FHIP1A: variants seen among roughly 807,000 people sequenced by gnomAD.
FHIP1A encodes FHF complex subunit HOOK-interacting protein 1A.
FHIP1A carries 61 observed loss-of-function variants against 88.6 expected under a neutral mutation model. The observed-to-expected ratio is 0.69, with a 90% CI of 0.56 to 0.85. FHIP1A has a LOEUF of 0.85. Among genes scored for constraint, FHIP1A ranks in the 40% least tolerant of loss-of-function variants. The pLI, the probability that FHIP1A is intolerant of heterozygous loss-of-function variation, is 0.00. For missense variants in FHIP1A, 1,154 were observed against 1,273.5 expected, an observed-to-expected ratio of 0.91 and a Z score of 1.43; for synonymous variants, 478 against 496.0, an observed-to-expected ratio of 0.96 and a Z score of 0.48.
chr4:151,636,051 A>C (rs148802278), intron 8 of FHIP1A, among the ~76,000 whole-genome samples: 335 of 152,100 alleles, frequency 2.2e-3, no homozygotes, highest in African/African-American at 7.5e-3. Flanking sequence ...ATCTACTATG[A>C]ATATGGGCTC....
chr4:151,665,359 G>C lies in FHIP1A; in HGVS notation c.*2605G>C, dbSNP rs1183453502. On this transcript the variant is annotated 3_prime_UTR_variant, in exon 14 of 14. Coordinates refer to ENST00000435205, the MANE Select transcript of FHIP1A (RefSeq NM_001109977.3). ...GGAGAATGTAACTTCCCATGCTGGG[G>C]TGCTGGCAGCAAACTCACACGATAA... 6.6e-6 allele frequency among the ~76,000 whole-genome samples: 1 copy of C among 152,216 alleles called. No homozygotes were observed. The highest frequency in any genetic ancestry group is 1.5e-5 in the Non-Finnish European group (1 of 68,040).
chr4:151,475,350 A>G (rs750713399), intron 2 of FHIP1A, among the ~76,000 whole-genome samples: 1 of 152,214 alleles, frequency 6.6e-6, no homozygotes, highest in Non-Finnish European at 1.5e-5. Flanking sequence ...TATATATGAG[A>G]TGATGACAAT....
At position 151,621,676 on chromosome 4, in the gene FHIP1A, G is replaced by T. The variant is rs566540930; in HGVS notation, c.979-8026G>T. Among the ~76,000 whole-genome samples the T allele has an allele frequency of 3.9e-5, 6 of 152,136 alleles. No homozygotes were observed. The South Asian group carries it at 1.2e-3, about 32-fold the overall frequency. On this transcript the variant is annotated intron_variant, in intron 7 of 13. Transcript: ENST00000435205. ...CATTCTAGAGAAGCTGCTGGTTGGG[G>T]TTCTGGCCCATGGACCATTTCCCCT...
intron 3 of FHIP1A, among the ~76,000 whole-genome samples, chr4:151,562,010 G>A (rs780098664): frequency 6.6e-6 from 1 of 152,162 alleles, no homozygotes; most frequent in African/African-American, 2.4e-5. Context: ...TACTTTAGTT[G>A]TAACTGCTTA....
chr4:151,611,307 G>A (rs760100139), intron 7 of FHIP1A, among the ~76,000 whole-genome samples: 2 of 152,116 alleles, frequency 1.3e-5, no homozygotes, highest in African/African-American at 4.8e-5. Flanking sequence ...CTTAAATGTC[G>A]TGGAAGTCCA....
intron 3 of FHIP1A, among the ~76,000 whole-genome samples, chr4:151,557,657 T>C (rs1733003455): frequency 6.6e-6 from 1 of 152,220 alleles, no homozygotes; most frequent in Non-Finnish European, 1.5e-5. Context: ...GCTTCTCTGC[T>C]TGGAGGGGTG....
At chr4:151,564,709 T>C (rs1219419027) in intron 3 of FHIP1A, among the ~76,000 whole-genome samples, 3 of 152,216 alleles carry the variant, frequency 2.0e-5, no homozygotes, top group African/African-American at 7.2e-5. Flanking sequence ...GCAGTTTTCC[T>C]GGAGTATGTG....
At chr4:151,520,226 G>A (rs1192335895) in intron 3 of FHIP1A, among the ~76,000 whole-genome samples, 1 of 152,052 alleles carries the variant, frequency 6.6e-6, no homozygotes, top group Non-Finnish European at 1.5e-5. Context: ...TCTCAAGTCA[G>A]TTTTTTTGAG....
At chr4:151,558,242 G>A (rs534207299) in intron 3 of FHIP1A, among the ~76,000 whole-genome samples, 1 of 152,246 alleles carries the variant, frequency 6.6e-6, no homozygotes, top group East Asian at 1.9e-4. Flanking sequence ...GCCAATTTTA[G>A]AGTTGTGGTG....
chr4:151,662,375 G>A (rs991001463), intron 13 of FHIP1A, 126 bp from the exon 14 acceptor site: 27 of 1,023,610 alleles, frequency 2.6e-5, no homozygotes, highest in Non-Finnish European at 3.5e-5. Context: ...GATTTAGTCC[G>A]TTATAGGAAC....
At chr4:151,490,716 A>G (rs1002669935) in intron 3 of FHIP1A, among the ~76,000 whole-genome samples, 17 of 148,278 alleles carry the variant, frequency 1.1e-4, no homozygotes, top group African/African-American at 4.3e-4. Flanking sequence ...GCACCAGAGA[A>G]AGGTGAAAAC....
At chr4:151,608,037 CTTTTTTTTTTTTTTTT>C (rs376335318) in intron 7 of FHIP1A, among the ~76,000 whole-genome samples, 16 of 67,104 alleles carry the variant, frequency 2.4e-4, no homozygotes, top group Admixed American at 2.2e-3. Flanking sequence ...CTTTCTTCTT[CTTTTTTTTTTTTTTTT>C]TTTTTTTTTG....
chr4:151,482,853 C>CCTCT (rs1409582359), intron 3 of FHIP1A, among the ~76,000 whole-genome samples: 1 of 151,888 alleles, frequency 6.6e-6, no homozygotes, highest in Non-Finnish European at 1.5e-5. Context: ...GCATCTTGAC[C>CCTCT]CTCTGGTAGC....
At chr4:151,493,217 GAAA>G (rs1433242940) in intron 3 of FHIP1A, among the ~76,000 whole-genome samples, 1 of 152,100 alleles carries the variant, frequency 6.6e-6, no homozygotes, top group Non-Finnish European at 1.5e-5. Flanking sequence ...CTACAGACTA[GAAA>G]ACCTGGAGGA....
intron 4 of FHIP1A, among the ~76,000 whole-genome samples, chr4:151,569,831 G>A (rs1156989254): frequency 6.6e-6 from 1 of 152,192 alleles, no homozygotes; most frequent in East Asian, 1.9e-4. Flanking sequence ...TGCCAGGGGA[G>A]AGACCTTAAA....
rs554243707 is a variant in FHIP1A, at chr4:151,464,681, G to A, written c.-248+9873G>A. ...CACCAGTCATCAGGAAGCTTATTGT[G>A]TATCTTGAATGTTCAGCCCAACCAG... is the stretch of plus-strand genomic sequence containing the variant. On this transcript the variant is annotated intron_variant, in intron 2 of 13. Coordinates refer to ENST00000435205, the MANE Select transcript of FHIP1A (RefSeq NM_001109977.3). Among the ~76,000 whole-genome samples, 6 of 152,298 alleles carry A rather than the reference G, an allele frequency of 3.9e-5. No homozygotes were observed. In the South Asian group the frequency reaches 1.0e-3, roughly 26 times the overall value.
intron 7 of FHIP1A, among the ~76,000 whole-genome samples, chr4:151,599,685 A>G (rs1734788416): frequency 6.6e-6 from 1 of 152,186 alleles, no homozygotes; most frequent in South Asian, 2.1e-4. Flanking sequence ...GCCTCAGAGC[A>G]AATGTGGAGA....
chr4:151,586,957 A>T (rs753653824), intron 6 of FHIP1A, among the ~76,000 whole-genome samples, 158 bp downstream of exon 6: 4 of 152,188 alleles, frequency 2.6e-5, no homozygotes, highest in Non-Finnish European at 5.9e-5. Context: ...ATGAGTGAAA[A>T]TGTTAGTTTG....
At chr4:151,443,724 T>TGTGTGTGTGTGTGTG (rs370363970) in intron 1 of FHIP1A, among the ~76,000 whole-genome samples, 88 of 148,212 alleles carry the variant, frequency 5.9e-4, no homozygotes, top group South Asian at 1.7e-3. Flanking sequence ...TGTGTGTGTG[T>TGTGTGTGTGTGTGTG]TTAGTACTGG....
Sources: allele counts gnomAD v4.1 joint callset (sites outside exome capture counted in the v4.1 genomes callset), GRCh38; gene constraint gnomAD v4.1.1; transcripts MANE v1.5; gene names NCBI Gene and HGNC (gene_info 2026-07-23, HGNC 2026-07-21).